HSP90AA1: variants seen among roughly 807,000 people sequenced by gnomAD.
HSP90AA1 encodes heat shock protein HSP 90-alpha.
A neutral mutation model predicts 73.3 loss-of-function variants in HSP90AA1; 18 were observed. The observed-to-expected ratio is 0.25, with a 90% CI of 0.17 to 0.36. The LOEUF (loss-of-function observed/expected upper bound fraction) is 0.36, where lower values mean the gene tolerates loss of function less well. HSP90AA1 is among the 10% of genes least tolerant of loss of function. The pLI is 1.00. For synonymous variants in HSP90AA1, 477 were observed against 296.9 expected, an observed-to-expected ratio of 1.61 and a Z score of -6.24; for missense variants, 704 against 874.2, an observed-to-expected ratio of 0.81 and a Z score of 2.45.
rs1216982125 is a variant in HSP90AA1, at chr14:102,081,081, A to G, written c.*631T>C. On this transcript the variant is annotated 3_prime_UTR_variant, in exon 11 of 11. Transcript: ENST00000216281. ...CTCATCTGTATTTGTTACAACTTTA[A>G]GCAGAATGTGACTCGAGCACTACAT... The G allele has an allele frequency of 2.2e-5, 5 of 228,408 alleles. No individual in the cohort carries two copies. In the Admixed American group the frequency reaches 2.2e-4, roughly 10 times the overall value. The allele number at this position is 228,408 out of a possible 1,614,324, so 14.1% of individuals were successfully genotyped here.
At chr14:102,086,889 G>A in intron 1 of HSP90AA1, 97 bp downstream of exon 1, 1 of 714,246 alleles carries the variant, frequency 1.4e-6, no homozygotes, top group Non-Finnish European at 1.7e-6. Flanking sequence ...GGCTGCTTCA[G>A]GGATCTGGTC....
intron 1 of HSP90AA1, among the ~76,000 whole-genome samples, chr14:102,115,823 A>G (rs1484740172): frequency 6.6e-6 from 1 of 152,182 alleles, no homozygotes; most frequent in East Asian, 1.9e-4. Context: ...TGTCTAGGCT[A>G]GCCTAGAACT....
At chr14:102,109,274 G>A (rs1566730590) in intron 1 of HSP90AA1, among the ~76,000 whole-genome samples, 2 of 152,148 alleles carry the variant, frequency 1.3e-5, no homozygotes, top group Admixed American at 1.3e-4. Flanking sequence ...CATCCATGTT[G>A]TATGTAACAG....
intron 1 of HSP90AA1, among the ~76,000 whole-genome samples, chr14:102,133,210 G>T (rs1240664705): frequency 1.3e-5 from 2 of 151,878 alleles, no homozygotes; most frequent in Non-Finnish European, 2.9e-5. Context: ...AACCCAGGAG[G>T]TGGAGGTTGC....
intron 1 of HSP90AA1, among the ~76,000 whole-genome samples, chr14:102,130,888 T>A (rs1424894240): frequency 2.0e-5 from 3 of 151,860 alleles, no homozygotes; most frequent in South Asian, 2.1e-4. Context: ...CGCTAATTTT[T>A]AAATTTTTTT....
At chr14:102,081,905 C>T (rs1008159182) in intron 10 of HSP90AA1, 84 bp from the exon 11 acceptor site, 3 of 818,748 alleles carry the variant, frequency 3.7e-6, no homozygotes, top group Non-Finnish European at 4.4e-6. Context: ...TATCTGCTTT[C>T]AAGACAGTAT....
At chr14:102,091,671 G>A (rs1052860764), upstream of HSP90AA1, among the ~76,000 whole-genome samples, 1 of 151,962 alleles carries the variant, frequency 6.6e-6, no homozygotes, top group African/African-American at 2.4e-5. Flanking sequence ...CTCTTGCCCA[G>A]GCTGGAGCAC....
chr14:102,122,817 G>A (rs145643636), intron 1 of HSP90AA1, among the ~76,000 whole-genome samples: 11,238 of 150,568 alleles, frequency 0.075, 541 homozygotes, highest in South Asian at 0.13. Flanking sequence ...ACAGGTGCCT[G>A]CCACCATGCC....
chr14:102,105,667 T>A (rs1271198573), intron 1 of HSP90AA1, among the ~76,000 whole-genome samples: 1 of 152,210 alleles, frequency 6.6e-6, no homozygotes, highest in Admixed American at 6.5e-5. Context: ...GGGGAGTGTG[T>A]TCTCTGTCCA....
chr14:102,111,707 A>AT (rs2049644879), intron 1 of HSP90AA1, among the ~76,000 whole-genome samples: 1 of 152,244 alleles, frequency 6.6e-6, no homozygotes, highest in Non-Finnish European at 1.5e-5. Flanking sequence ...CTTCCTCAGA[A>AT]TTTTGAAGCC....
At chr14:102,090,178 T>A (rs1419689219), upstream of HSP90AA1, among the ~76,000 whole-genome samples, 1 of 152,230 alleles carries the variant, frequency 6.6e-6, no homozygotes, top group African/African-American at 2.4e-5. Flanking sequence ...GTGCAAATGC[T>A]GTTCCCTCTG....
intron 1 of HSP90AA1, among the ~76,000 whole-genome samples, chr14:102,130,137 A>AT (rs2049890607): frequency 6.6e-6 from 1 of 151,366 alleles, no homozygotes; most frequent in Non-Finnish European, 1.5e-5. Context: ...CACCTGGCTA[A>AT]TTTTTGTATT....
At chr14:102,087,515 G>C (rs150774709), upstream of HSP90AA1, among the ~76,000 whole-genome samples, 18 of 152,050 alleles carry the variant, frequency 1.2e-4, no homozygotes, top group Non-Finnish European at 2.4e-4. Flanking sequence ...GTGCGTGGAC[G>C]GAGAGCGGCC....
At position 102,084,556 on chromosome 14, in the gene HSP90AA1, T is replaced by A; in HGVS notation, c.990A>T (p.Ser330=). The change falls in exon 6 of 11, where the codon TCA becomes TCT. Residue 330 remains serine (S), a synonymous_variant. Coordinates refer to ENST00000216281, the MANE Select transcript of HSP90AA1 (RefSeq NM_005348.4). ...CTCTGAATTCCAACTGTCCTTCAAC[T>A]GAAAAATGCTGTAATAAAACAGATA... ...WEDHLAVKHF[S]VEGQLEFRAL... 6.2e-7 allele frequency: 1 copy of A among 1,614,156 alleles called. No homozygotes were observed. The highest frequency in any genetic ancestry group is 8.5e-7 in the Non-Finnish European group (1 of 1,180,004).
At chr14:102,103,482 G>GT (rs1175562495) in intron 1 of HSP90AA1, among the ~76,000 whole-genome samples, 1 of 151,972 alleles carries the variant, frequency 6.6e-6, no homozygotes, top group Non-Finnish European at 1.5e-5. Flanking sequence ...GAGTCCAGGA[G>GT]TTTGAGATGA....
In HSP90AA1 at chr14:102,081,814, A is replaced by G. The variant is rs11547523; in HGVS notation, c.2097T>C (p.Asp699=). 6.7e-3 allele frequency: 9,774 copies of G among 1,454,090 alleles called. 244 individuals are homozygous for G. The highest frequency in any genetic ancestry group is 0.058 in the African/African-American group (4,147 of 71,788). 90.1% of individuals were successfully genotyped at this position (1,454,090 alleles called of 1,614,324 possible). A position where few individuals can be genotyped will look rare whatever the true frequency, so the allele number is the denominator to read the frequency against. The stretch of plus-strand genomic sequence containing the variant: ...TATCATCAGCAGTAGGGTCATCTTC[A>G]TCAATACCTGTTTCCAAAATAAAAT... ...YRMIKLGLGI[D]EDDPTADDTS... is the part of the protein sequence containing the mutation. Residue 699 remains aspartate (D), a synonymous_variant, in exon 11 of 11, where the codon GAT becomes GAC. Coordinates refer to ENST00000216281, the MANE Select transcript of HSP90AA1 (RefSeq NM_005348.4).
chr14:102,089,907 A>G (rs2049331014), upstream of HSP90AA1, among the ~76,000 whole-genome samples: 1 of 152,032 alleles, frequency 6.6e-6, no homozygotes, highest in Non-Finnish European at 1.5e-5. Flanking sequence ...ATAACCACCT[A>G]ACTGCTCCCT....
chr14:102,086,782 C>G (rs2049250189), intron 1 of HSP90AA1, among the ~76,000 whole-genome samples: 1 of 151,726 alleles, frequency 6.6e-6, no homozygotes. Flanking sequence ...TCGGGGAGCC[C>G]GCGGCCGCCC....
intron 1 of HSP90AA1, among the ~76,000 whole-genome samples, chr14:102,086,764 G>A (rs915936472): frequency 4.6e-5 from 7 of 151,554 alleles, no homozygotes; most frequent in South Asian, 2.1e-4. Flanking sequence ...TGGCGCTGCT[G>A]CAGAGCCTCG....
Sources: allele counts gnomAD v4.1 joint callset (sites outside exome capture counted in the v4.1 genomes callset), GRCh38; gene constraint gnomAD v4.1.1; transcripts MANE v1.5; gene names NCBI Gene and HGNC (gene_info 2026-07-23, HGNC 2026-07-21).